Variants in DNAH12 observed in about 807,000 individuals in gnomAD.
The protein encoded by DNAH12 is dynein axonemal heavy chain 12.
In DNAH12, 285 loss-of-function variants were observed where a neutral mutation model predicts 371.5. The observed-to-expected ratio is 0.77, with a 90% confidence interval of 0.70 to 0.85. The LOEUF (loss-of-function observed/expected upper bound fraction) is 0.85, where lower values mean the gene tolerates loss of function less well. Ranked by LOEUF, DNAH12 falls within the 40% of genes least tolerant of loss-of-function variation. DNAH12 has a pLI of 0.00. For missense variants in DNAH12, 3,611 were observed against 3,689.4 expected, an observed-to-expected ratio of 0.98 and a Z score of 0.55; for synonymous variants, 1,200 against 1,213.0, an observed-to-expected ratio of 0.99 and a Z score of 0.22.
chr3:57,526,814 G>A (rs1469243102), intron 2 of DNAH12, among the ~76,000 whole-genome samples: 3 of 151,582 alleles, frequency 2.0e-5, no homozygotes, highest in African/African-American at 7.3e-5. Flanking sequence ...TGAGCACTGC[G>A]CCCGGCCTCT....
the DNAH12 span, among the ~76,000 whole-genome samples, chr3:57,550,480 GTTTA>G: frequency 6.6e-6 from 1 of 151,656 alleles, no homozygotes; most frequent in Non-Finnish European, 1.5e-5. Flanking sequence ...TTTTATATCC[GTTTA>G]TTTTTGTATA....
chr3:57,347,190 T>C (rs562379299), intron 60 of DNAH12, among the ~76,000 whole-genome samples: 1 of 152,106 alleles, frequency 6.6e-6, no homozygotes. Flanking sequence ...AAATCTCTCA[T>C]AAAAATAGAT....
rs2065492222 is a variant in DNAH12, at chr3:57,446,261, C to G, written c.3949G>C (p.Gly1317Arg). 8 of 1,550,190 alleles carry G rather than the reference C, an allele frequency of 5.2e-6. No homozygotes were observed. The highest frequency in any genetic ancestry group is 6.1e-6 in the Non-Finnish European group (7 of 1,146,436). Residue 1317 changes from glycine (G) to arginine (R), a missense_variant, in exon 27 of 74, where the codon GGA becomes CGA. This residue lies in a region of DNAH12 where 2,266 missense variants were observed against 2,236.9 expected (regional missense o/e 1.01). Transcript: ENST00000495027. ...GCCCAAGCACCAGAAGAAGCCAGTC[C>G]TTTAAAAAACTAAGGACAAAGAAAA... ...DYLAMGKFFKGLASSGAWACF... is the reference protein window; with the variant it reads ...DYLAMGKFFKRLASSGAWACF...
At position 57,419,400 on chromosome 3, in the gene DNAH12, G is replaced by T. The variant is rs781088908; in HGVS notation, c.5681C>A (p.Thr1894Lys). The T allele has an allele frequency of 1.3e-6, 2 of 1,505,694 alleles. No homozygotes were observed. The highest frequency in any genetic ancestry group is 1.8e-6 in the Non-Finnish European group (2 of 1,132,506). The allele number at this position is 1,505,694 out of a possible 1,614,324, so 93.3% of individuals were successfully genotyped here. ...IVPTMDTIRY[T>K]FLMDLSITYA... ...GGTAATACTCAAATCCATTAGAAAC[G>T]TATATCTAATTGTGTCCATCGTAGG... The change falls in exon 37 of 74, where the codon ACG (threonine) becomes AAG (lysine). Residue 1894 changes from threonine (T) to lysine (K), a missense_variant. This residue lies in a region of DNAH12 where 2,266 missense variants were observed against 2,236.9 expected (regional missense o/e 1.01). Transcript: ENST00000495027.
intron 55 of DNAH12, among the ~76,000 whole-genome samples, chr3:57,371,405 T>C (rs2063166690): frequency 6.6e-6 from 1 of 152,196 alleles, no homozygotes; most frequent in Admixed American, 6.5e-5. Context: ...GGTAAATTAC[T>C]TTAAAAATGT....
chr3:57,331,143 C>CT (rs1252862032), intron 62 of DNAH12, among the ~76,000 whole-genome samples: 5 of 152,042 alleles, frequency 3.3e-5, no homozygotes. Context: ...GTGGGAGACC[C>CT]TAAAAAGTAA....
At chr3:57,415,779 A>AT (rs2064353847) in intron 37 of DNAH12, among the ~76,000 whole-genome samples, 1 of 139,114 alleles carries the variant, frequency 7.2e-6, no homozygotes, top group African/African-American at 2.8e-5. Context: ...GTGTCTTTTT[A>AT]TTTTTTATTC....
intron 60 of DNAH12, among the ~76,000 whole-genome samples, chr3:57,343,337 C>A (rs2062451087): frequency 6.6e-6 from 1 of 152,184 alleles, no homozygotes; most frequent in Non-Finnish European, 1.5e-5. Flanking sequence ...TTTGACCCAA[C>A]TACTTTGACC....
chr3:57,333,467 A>T (rs989973144), intron 62 of DNAH12, among the ~76,000 whole-genome samples: 1 of 151,464 alleles, frequency 6.6e-6, no homozygotes, highest in East Asian at 1.9e-4. Flanking sequence ...AATAGCTGGG[A>T]CTACAGGCAT....
rs1559622568 is a variant in DNAH12 at position 57,405,899 on chromosome 3, A to G, written c.6330T>C (p.Tyr2110=). 2 of 1,550,076 alleles carry G rather than the reference A, an allele frequency of 1.3e-6. No homozygotes were observed. The highest frequency in any genetic ancestry group is 8.7e-7 in the Non-Finnish European group (1 of 1,145,512). Reference sequence around the variant, plus strand: ...GTGAAAAATCACGCAAGTTGAAAGTATAATGGGATTTTGTGGGAGTGGGTA... The same window carrying G: ...GTGAAAAATCACGCAAGTTGAAAGTGTAATGGGATTTTGTGGGAGTGGGTA... The part of the protein sequence containing the change: ...NLLPTPTKSH[Y]TFNLRDFSRV... Residue 2110 remains tyrosine, a synonymous_variant, in exon 41 of 74, where the codon TAT becomes TAC. Coordinates refer to ENST00000495027, the MANE Select transcript of DNAH12 (RefSeq NM_001366028.2).
chr3:57,356,219 A>G (rs947605602), intron 59 of DNAH12, among the ~76,000 whole-genome samples: 1 of 152,082 alleles, frequency 6.6e-6, no homozygotes, highest in Admixed American at 6.6e-5. Context: ...AGTCGGGCAG[A>G]TTTCTTGAGT....
At chr3:57,317,196 T>C (rs1204848190) in intron 65 of DNAH12, among the ~76,000 whole-genome samples, 1 of 152,228 alleles carries the variant, frequency 6.6e-6, no homozygotes, top group Non-Finnish European at 1.5e-5. Context: ...TTTGTTTACA[T>C]CATACATGTT....
At chr3:57,438,114 G>GC (rs1459376613) in intron 29 of DNAH12, among the ~76,000 whole-genome samples, 8 of 152,030 alleles carry the variant, frequency 5.3e-5, no homozygotes, top group African/African-American at 1.9e-4. Flanking sequence ...TTCAAGACCA[G>GC]CCCGCCCAAC....
intron 4 of DNAH12, among the ~76,000 whole-genome samples, 188 bp downstream of exon 4, chr3:57,523,395 A>G (rs1372692491): frequency 6.6e-6 from 1 of 152,150 alleles, no homozygotes; most frequent in Non-Finnish European, 1.5e-5. Flanking sequence ...ACAAAAAAAC[A>G]AAAAAATCTA....
chr3:57,437,635 C>T (rs921992058), intron 29 of DNAH12, among the ~76,000 whole-genome samples: 2 of 152,054 alleles, frequency 1.3e-5, no homozygotes, highest in Non-Finnish European at 2.9e-5. Context: ...TAGGAAGAAA[C>T]CAATAGAGAT....
intron 58 of DNAH12, among the ~76,000 whole-genome samples, chr3:57,360,463 C>T (rs908654259): frequency 1.2e-4 from 18 of 151,932 alleles, no homozygotes; most frequent in African/African-American, 4.4e-4. Flanking sequence ...CCAAGGCAGG[C>T]GGATCACCTG....
chr3:57,346,603 A>G (rs2062548576), intron 60 of DNAH12, among the ~76,000 whole-genome samples: 1 of 152,168 alleles, frequency 6.6e-6, no homozygotes, highest in Admixed American at 6.5e-5. Flanking sequence ...TATTAATCCA[A>G]CTGTATCAGT....
intron 11 of DNAH12, among the ~76,000 whole-genome samples, chr3:57,491,081 C>CAAAAAAAAAAAAAAA (rs553885449): frequency 8.5e-5 from 6 of 70,382 alleles, no homozygotes; most frequent in Non-Finnish European, 1.1e-4. Flanking sequence ...GACTCTATCT[C>CAAAAAAAAAAAAAAA]AAAAAAAAAA....
intron 58 of DNAH12, among the ~76,000 whole-genome samples, chr3:57,361,216 G>T (rs1163141524): frequency 6.6e-6 from 1 of 151,374 alleles, no homozygotes; most frequent in Admixed American, 6.6e-5. Flanking sequence ...GCCTGGCATG[G>T]TGGGCGCCTG....
Sources: gnomAD v4.1 joint callset for allele counts (sites outside exome capture counted in the v4.1 genomes callset) on GRCh38, gnomAD v4.1.1 for gene constraint, gnomAD v4.1.1 regional missense constraint, MANE v1.5 for transcripts, NCBI Gene and HGNC (gene_info 2026-07-23, HGNC 2026-07-21) for gene names.